The following MAP3K13 variants were observed in gnomAD, a reference collection of about 807,000 sequenced individuals.
The protein encoded by MAP3K13 is mitogen-activated protein kinase kinase kinase 13.
MAP3K13 carries 52 observed loss-of-function variants against 104.0 expected under a neutral mutation model. The observed-to-expected ratio is 0.50, with a 90% CI of 0.40 to 0.63. The LOEUF is 0.63. Among genes scored for constraint, MAP3K13 ranks in the 20% least tolerant of loss-of-function variants. MAP3K13 has a pLI of 0.00. For missense variants in MAP3K13, 914 were observed against 1,218.5 expected (o/e 0.75, Z 3.72); for synonymous variants, 394 against 442.2 (o/e 0.89, Z 1.37).
intron 7 of MAP3K13, among the ~76,000 whole-genome samples, chr3:185,455,716 G>GATAT (rs375658483): frequency 1.8e-4 from 2 of 10,888 alleles, no homozygotes; most frequent in Admixed American, 1.8e-3. Context: ...ATATATATGA[G>GATAT]ATATATATGA....
chr3:185,486,047 T>TAAAAC lies in MAP3K13; in HGVS notation c.*3591_*3592insAAAAC, dbSNP rs1718702850. 1 of 152,230 alleles carries TAAAAC rather than the reference T, an allele frequency of 6.6e-6. No homozygotes were observed. The highest frequency in any genetic ancestry group is 1.5e-5 in the Non-Finnish European group (1 of 68,036). The allele number at this position is 152,230 out of a possible 1,614,324, so 9.4% of individuals were successfully genotyped here. A position where few individuals can be genotyped will look rare whatever the true frequency, so the allele number is the denominator to read the frequency against. ...AACAGAGATGCTACAACTCTATGTC[T>TAAAAC]TCTTTCTATCCAACATAAAACACTG... On this transcript the variant is annotated 3_prime_UTR_variant, in exon 14 of 14. Transcript: ENST00000265026.
intron 11 of MAP3K13, among the ~76,000 whole-genome samples, chr3:185,474,377 G>A (rs889046953): frequency 6.6e-6 from 1 of 152,102 alleles, no homozygotes; most frequent in Non-Finnish European, 1.5e-5. Context: ...AATCAAAATA[G>A]TTTGGAAACT....
At chr3:185,357,017 G>A (rs578054989) in intron 2 of MAP3K13, among the ~76,000 whole-genome samples, 2 of 152,132 alleles carry the variant, frequency 1.3e-5, no homozygotes, top group African/African-American at 2.4e-5. Flanking sequence ...TGTGGCTACA[G>A]TGGAAATGCC....
chr3:185,318,500 G>C (rs1451110631), intron 2 of MAP3K13, among the ~76,000 whole-genome samples: 1 of 152,240 alleles, frequency 6.6e-6, no homozygotes, highest in Non-Finnish European at 1.5e-5. Flanking sequence ...TAGGCTGGCA[G>C]TTTATTCAGT....
chr3:185,359,392 C>T (rs1373887022), upstream of MAP3K13, among the ~76,000 whole-genome samples: 1 of 152,110 alleles, frequency 6.6e-6, no homozygotes, highest in Non-Finnish European at 1.5e-5. Flanking sequence ...GGTGGGGACA[C>T]AGAGCCAAAC....
intron 1 of MAP3K13, among the ~76,000 whole-genome samples, chr3:185,392,328 G>A (rs1340001531): frequency 6.6e-6 from 1 of 152,190 alleles, no homozygotes; most frequent in Non-Finnish European, 1.5e-5. Flanking sequence ...AGGAGGTAAA[G>A]GGCTGACGGA....
At chr3:185,404,019 A>T (rs1340628707) in intron 1 of MAP3K13, among the ~76,000 whole-genome samples, 3 of 152,234 alleles carry the variant, frequency 2.0e-5, no homozygotes, top group South Asian at 2.1e-4. Context: ...TCATTTAATG[A>T]TCAATTTTTA....
At position 185,486,364 on chromosome 3, in the gene MAP3K13, T is replaced by A. The variant is rs531072171; in HGVS notation, c.*3908T>A. On this transcript the variant is annotated 3_prime_UTR_variant, in exon 14 of 14. Coordinates refer to ENST00000265026, the MANE Select transcript of MAP3K13 (RefSeq NM_004721.5). ...AAAGTCCATATTGAACACATTTTTT[T>A]AAGTAGAATTGACTAGAGGTTTCAG... The A allele has an allele frequency of 6.6e-6, 1 of 152,360 alleles. No individual in the cohort carries two copies. Among genetic ancestry groups the A allele is most frequent in the African/African-American group, 2.4e-5 (1 of 41,594 alleles). 9.4% of individuals were successfully genotyped at this position (152,360 alleles called of 1,614,324 possible).
chr3:185,449,686 A>G (rs997061725), intron 5 of MAP3K13, among the ~76,000 whole-genome samples: 4 of 150,516 alleles, frequency 2.7e-5, no homozygotes, highest in African/African-American at 7.3e-5. Context: ...ACGGGAGTTA[A>G]TTATTCAGGT....
intron 1 of MAP3K13, among the ~76,000 whole-genome samples, chr3:185,425,911 G>C (rs968918283): frequency 3.9e-5 from 6 of 152,048 alleles, no homozygotes; most frequent in African/African-American, 1.4e-4. Flanking sequence ...TAACTATGTG[G>C]CCGTTATCTA....
At chr3:185,463,721 C>T (rs908219998) in intron 8 of MAP3K13, 62 bp downstream of exon 8, 58 of 910,806 alleles carry the variant, frequency 6.4e-5, no homozygotes, top group Admixed American at 1.8e-5. Flanking sequence ...TTAACAGGCA[C>T]CCTTATCATA....
intron 10 of MAP3K13, among the ~76,000 whole-genome samples, chr3:185,467,190 G>C (rs765050352): frequency 6.6e-5 from 10 of 152,214 alleles, no homozygotes; most frequent in Non-Finnish European, 1.2e-4. Flanking sequence ...AGCATGGAAA[G>C]AGAAATAAAC....
At chr3:185,431,045 G>A (rs892974387) in intron 2 of MAP3K13, among the ~76,000 whole-genome samples, 5 of 152,056 alleles carry the variant, frequency 3.3e-5, no homozygotes, top group African/African-American at 9.7e-5. Flanking sequence ...CAGAGAAGGG[G>A]CAAGGGCCAC....
rs1470645505 is a variant in MAP3K13 at position 185,473,781 on chromosome 3, G to C, written c.2430+20G>C. ...CAGAAGGTAAAGTGTAATGATGAGA[G>C]TGGCCTGCGTCACTGCCTTCAAAGA... On this transcript the variant is annotated intron_variant, in intron 11 of 13. Transcript: ENST00000265026. This position sits in a 1 kb window ranked among gnomAD's most constrained non-coding sequence, Gnocchi z 4.9. The C allele has an allele frequency of 8.1e-6, 13 of 1,595,848 alleles. No individual in the cohort carries two copies. The highest frequency in any genetic ancestry group is 1.1e-5 in the Non-Finnish European group (13 of 1,171,694).
At chr3:185,471,723 G>A (rs1250452371) in intron 10 of MAP3K13, among the ~76,000 whole-genome samples, 1 of 152,088 alleles carries the variant, frequency 6.6e-6, no homozygotes, top group Non-Finnish European at 1.5e-5. Flanking sequence ...GCCTCCCAAA[G>A]TGCTGGGATT....
intron 1 of MAP3K13, among the ~76,000 whole-genome samples, chr3:185,415,576 TC>T (rs377139916): frequency 0.049 from 5,029 of 101,612 alleles, 244 homozygotes; most frequent in East Asian, 0.19. Context: ...AGGGTTAATT[TC>T]TTTTTTTTTT....
intron 1 of MAP3K13, among the ~76,000 whole-genome samples, chr3:185,412,194 T>A (rs1485655189): frequency 6.6e-6 from 1 of 152,196 alleles, no homozygotes; most frequent in Non-Finnish European, 1.5e-5. Flanking sequence ...TTCTTTCCAT[T>A]AGAACTGTCT....
chr3:185,398,505 A>G (rs914314517), intron 1 of MAP3K13, among the ~76,000 whole-genome samples: 10 of 152,146 alleles, frequency 6.6e-5, no homozygotes, highest in African/African-American at 1.7e-4. Flanking sequence ...GTTTGTGGCT[A>G]TCTCCCCTAC....
intron 2 of MAP3K13, among the ~76,000 whole-genome samples, chr3:185,344,691 G>T (rs1457036400): frequency 6.6e-6 from 1 of 152,078 alleles, no homozygotes; most frequent in Non-Finnish European, 1.5e-5. Flanking sequence ...TGATTGCTTT[G>T]CATCCTCAGT....
Sources: gnomAD v4.1 joint callset for allele counts (sites outside exome capture counted in the v4.1 genomes callset) on GRCh38, gnomAD v4.1.1 for gene constraint, Gnocchi (gnomAD v3.1) non-coding constraint, MANE v1.5 for transcripts, NCBI Gene and HGNC (gene_info 2026-07-23, HGNC 2026-07-21) for gene names.